SZT2: variants seen among roughly 807,000 people sequenced by gnomAD.
SZT2 encodes the protein SZT2 subunit of KICSTOR complex, also known as KICSTOR complex protein SZT2.
A neutral mutation model predicts 404.2 loss-of-function variants in SZT2; 216 were observed. That is an observed-to-expected ratio of 0.53 (90% CI 0.48 to 0.60). The LOEUF is 0.60. Among genes scored for constraint, SZT2 ranks in the 20% least tolerant of loss-of-function variants. SZT2 has a pLI of 0.00. For missense variants in SZT2, 3,857 were observed against 4,459.2 expected, an observed-to-expected ratio of 0.86 and a Z score of 3.85; for synonymous variants, 1,693 against 1,749.9, an observed-to-expected ratio of 0.97 and a Z score of 0.81.
At chr1:43,446,648 G>A (rs1177793685) in intron 65 of SZT2, 3 of 634,740 alleles carry the variant, frequency 4.7e-6, no homozygotes, top group African/African-American at 3.7e-5. Flanking sequence ...CCCTGAGGCA[G>A]CACAGTGCCT....
At position 43,441,720 on chromosome 1, in the gene SZT2, G is replaced by T. The variant is rs1293620008; in HGVS notation, c.7644G>T (p.Met2548Ile). The stretch of plus-strand genomic sequence containing the variant: ...CAGTGTCCAGAAGCTCTGCCCACAT[G>T]GTGTCCCGGTTCCTCCTTCCATCCA... ...CASVSRSSAH[M>I]VSRFLLPSIL... The change falls in exon 55 of 72, where the codon ATG becomes ATT. Residue 2548 changes from methionine to isoleucine, a missense_variant. Met to Ile is a conservative substitution (Grantham distance 10). Coordinates refer to ENST00000634258, the MANE Select transcript of SZT2 (RefSeq NM_001365999.1). The surrounding 1 kb of genome is among the most constrained non-coding windows in gnomAD (Gnocchi z 4.8). 1 of 1,614,156 alleles carries T rather than the reference G, an allele frequency of 6.2e-7. No homozygotes were observed. The highest frequency in any genetic ancestry group is 8.5e-7 in the Non-Finnish European group (1 of 1,180,026).
In SZT2 at chr1:43,425,499, G is replaced by A. The variant is rs1336832671; in HGVS notation, c.2671G>A (p.Val891Met). 15 of 1,614,202 alleles carry A rather than the reference G, an allele frequency of 9.3e-6. No individual in the cohort carries two copies. Among genetic ancestry groups the A allele is most frequent in the South Asian group, 2.2e-5 (2 of 91,080 alleles). Residue 891 changes from valine to methionine, a missense_variant, in exon 19 of 72, where the codon GTG becomes ATG. Val to Met is a conservative substitution (Grantham distance 21, BLOSUM62 1). Around this residue, in one of 7 missense-constraint regions of SZT2, gnomAD observed 1,725 missense variants for 1,881.0 expected, o/e 0.92. Transcript: ENST00000634258. The surrounding 1 kb of genome is among the most constrained non-coding windows in gnomAD (Gnocchi z 4.3). ...CTTCTCGACAGATGATGACAATGAT[G>A]TGGAAGTGGAGGCCCTGGAGGGAGA... Reference protein sequence around the residue: ...DSFSTDDDNDVEVEALEGDSE... With the variant: ...DSFSTDDDNDMEVEALEGDSE...
chr1:43,446,732 T>G (rs1655716572), intron 65 of SZT2: 1 of 624,832 alleles, frequency 1.6e-6, no homozygotes, highest in Non-Finnish European at 2.8e-6. Context: ...TGGCCCAGTT[T>G]CTGAAAATGG....
chr1:43,430,037 C>T lies in SZT2; in HGVS notation c.4335C>T (p.Leu1445=), dbSNP rs1445999972. The part of the protein sequence containing the change: ...IQEKFLEISR[L]HFRTVPSNPH... ...AGAAGTTCCTAGAGATCAGTCGTCT[C>T]CACTTCCGCACAGTGCCTTCCAATC... is the stretch of plus-strand genomic sequence containing the variant. Residue 1445 remains leucine, a synonymous_variant, in exon 30 of 72, where the codon CTC becomes CTT. Transcript: ENST00000634258. 3 of 1,614,146 alleles carry T rather than the reference C, an allele frequency of 1.9e-6. No individual in the cohort carries two copies.
chr1:43,453,111 A>G lies in SZT2; in HGVS notation c.*2631A>G, dbSNP rs944366829. 8.1e-6 allele frequency: 6 copies of G among 742,158 alleles called. No individual in the cohort carries two copies. Among genetic ancestry groups the G allele is most frequent in the Middle Eastern group, 2.3e-4 (1 of 4,392 alleles). The allele number at this position is 742,158 out of a possible 1,614,324, so 46.0% of individuals were successfully genotyped here. ...GCTTCCTGGAATAGGCCTGTCCTCA[A>G]ATGCATCACTGTATATATTTACTCT... On this transcript the variant is annotated 3_prime_UTR_variant, in exon 72 of 72. Coordinates refer to ENST00000634258, the MANE Select transcript of SZT2 (RefSeq NM_001365999.1).
chr1:43,442,157 G>C lies in SZT2; in HGVS notation c.7873+27G>C, dbSNP rs777270877. 4 of 1,503,558 alleles carry C rather than the reference G, an allele frequency of 2.7e-6. No homozygotes were observed. The African/African-American group carries it at 5.5e-5, about 21-fold the overall frequency. The allele number at this position is 1,503,558 out of a possible 1,614,324, so 93.1% of individuals were successfully genotyped here. ...TGAGGGCATGGCCCGGGGGGGCGGG[G>C]GGCGGGTAGGCTAAGAGTAACTGGT... On this transcript the variant is annotated intron_variant, in intron 56 of 71. Transcript: ENST00000634258. This position sits in a 1 kb window ranked among gnomAD's most constrained non-coding sequence, Gnocchi z 4.5.
At chr1:43,440,711 C>G (rs529755195) in intron 52 of SZT2, 125 bp downstream of exon 52, 92 of 1,295,430 alleles carry the variant, frequency 7.1e-5, no homozygotes, top group Non-Finnish European at 9.3e-5. Context: ...TAAAACTGCT[C>G]TGTCCTGCCA....
rs1346101224 is a variant in SZT2 at position 43,443,778 on chromosome 1, C to T, written c.8807C>T (p.Pro2936Leu). The part of the protein sequence containing the change: ...SIGFVLVPLR[P>L]PSPARSTSRP... ...GGTTTTGTGCTGGTACCACTGCGGC[C>T]CCCCTCACCCGCCCGCAGGTGAGCC... The change falls in exon 62 of 72, where the codon CCC becomes CTC. Residue 2936 changes from proline (P) to leucine (L), a missense_variant. By Grantham distance (98) the Pro-to-Leu change is moderately conservative (BLOSUM62 -3). This residue lies in a region of SZT2 where 717 missense variants were observed against 868.2 expected (regional missense o/e 0.83). Transcript: ENST00000634258. 16 of 1,613,672 alleles carry T rather than the reference C, an allele frequency of 9.9e-6. No homozygotes were observed. Among genetic ancestry groups the T allele is most frequent in the Non-Finnish European group, 1.4e-5 (16 of 1,180,038 alleles).
chr1:43,432,624 G>C lies in SZT2; in HGVS notation c.5530+20G>C. On this transcript the variant is annotated intron_variant, in intron 38 of 71. Coordinates refer to ENST00000634258, the MANE Select transcript of SZT2 (RefSeq NM_001365999.1). ...AGGGAGGTAAGAGAGGACTTGGGCA[G>C]CAGTCTGGAGGCCAGGACCAGATCC... The C allele has an allele frequency of 6.2e-7, 1 of 1,613,582 alleles. No homozygotes were observed. Among genetic ancestry groups the C allele is most frequent in the Non-Finnish European group, 8.5e-7 (1 of 1,179,614 alleles).
rs997249942 is a variant in SZT2 at position 43,453,643 on chromosome 1, C to G, written c.*3163C>G. The G allele has an allele frequency of 5.4e-6, 8 of 1,489,892 alleles. No homozygotes were observed. The highest frequency in any genetic ancestry group is 2.3e-5 in the Admixed American group (1 of 42,718). The allele number at this position is 1,489,892 out of a possible 1,614,324, so 92.3% of individuals were successfully genotyped here. A position where few individuals can be genotyped will look rare whatever the true frequency, so the allele number is the denominator to read the frequency against. ...AGCCGCAGCCCCGCTTCTCGCGCGG[C>G]GCGCGCCAGCGCCTCAGGCGTCTCC... On this transcript the variant is annotated 3_prime_UTR_variant, in exon 72 of 72. Coordinates refer to ENST00000634258, the MANE Select transcript of SZT2 (RefSeq NM_001365999.1).
chr1:43,404,942 T>C (rs569561160), intron 4 of SZT2: 1 of 159,918 alleles, frequency 6.3e-6, no homozygotes, highest in Non-Finnish European at 1.4e-5. Context: ...TTTTGTGATT[T>C]TGAAAGACAG....
Position 43,416,542 on chromosome 1 carries a change from C to T in SZT2, c.780C>T (p.Ile260=), listed in dbSNP as rs375794037. The T allele has an allele frequency of 3.0e-4, 486 of 1,598,088 alleles. 3 individuals carry two copies. In the South Asian group the frequency reaches 5.1e-3, roughly 17 times the overall value. ...LLPSNSSAGI[I]VITDGVTSVP... ...TGGTGTTTCCTGCTCCAGGGATTAT[C>T]GTGATCACGGATGGGGTGACCAGTG... Residue 260 remains isoleucine, a synonymous_variant, in exon 7 of 72, where the codon ATC becomes ATT. Coordinates refer to ENST00000634258, the MANE Select transcript of SZT2 (RefSeq NM_001365999.1).
chr1:43,427,700 C>G lies in SZT2; in HGVS notation c.3769C>G (p.Gln1257Glu). 1 of 1,613,986 alleles carries G rather than the reference C, an allele frequency of 6.2e-7. No homozygotes were observed. The highest frequency in any genetic ancestry group is 1.7e-5 in the Admixed American group (1 of 60,026). Residue 1257 changes from glutamine (Q) to glutamate (E), a missense_variant, in exon 26 of 72, where the codon CAG becomes GAG. Physicochemically the swap from Gln to Glu is conservative, Grantham distance 29. Around this residue, in one of 7 missense-constraint regions of SZT2, gnomAD observed 1,725 missense variants for 1,881.0 expected, o/e 0.92. Transcript: ENST00000634258. Reference protein sequence around the residue: ...EALREQMVGMQPPQAPRDLIF... With the variant: ...EALREQMVGMEPPQAPRDLIF... The stretch of plus-strand genomic sequence containing the variant: ...GCTGAGGGAACAAATGGTTGGCATG[C>G]AGCCCCCTCAGGCGCCCCGAGACCT...
At chr1:43,411,314 A>G (rs1223980874) in intron 4 of SZT2, among the ~76,000 whole-genome samples, 2 of 152,240 alleles carry the variant, frequency 1.3e-5, no homozygotes, top group African/African-American at 4.8e-5. Flanking sequence ...CATTGCCAGC[A>G]GGCCAGAGGG....
intron 1 of SZT2, chr1:43,394,061 T>C: frequency 1.0e-6 from 1 of 985,070 alleles, no homozygotes. Context: ...GTAATGAACT[T>C]CAGACTCAAG....
At chr1:43,428,682 G>A in intron 28 of SZT2, 196 bp downstream of exon 28, 1 of 674,958 alleles carries the variant, frequency 1.5e-6, no homozygotes, top group South Asian at 2.0e-5. Context: ...CTCCCTCCCA[G>A]GCTCTCCCCA....
Position 43,424,193 on chromosome 1 carries a change from C to T in SZT2, c.2256-24C>T. 4 of 1,587,404 alleles carry T rather than the reference C, an allele frequency of 2.5e-6. No homozygotes were observed. The highest frequency in any genetic ancestry group is 3.4e-6 in the Non-Finnish European group (4 of 1,172,488). On this transcript the variant is annotated intron_variant, in intron 15 of 71. Coordinates refer to ENST00000634258, the MANE Select transcript of SZT2 (RefSeq NM_001365999.1). This position sits in a 1 kb window ranked among gnomAD's most constrained non-coding sequence, Gnocchi z 4.1. ...GCTTAGCCGGGGATGAGAGAGATAG[C>T]TGGGGAGTTGTCCCATTTCCTAGGT...
chr1:43,430,429 C>T (rs1372446521), intron 31 of SZT2, 40 bp downstream of exon 31: 1 of 1,602,588 alleles, frequency 6.2e-7, no homozygotes, highest in Non-Finnish European at 8.5e-7. Context: ...AGGCTGGCTG[C>T]TTCACGCCGA....
In SZT2 at chr1:43,453,807, G is replaced by T. The variant is rs1031983609; in HGVS notation, c.*3327G>T. 8.0e-7 allele frequency: 1 copy of T among 1,252,222 alleles called. No homozygotes were observed. The highest frequency in any genetic ancestry group is 1.0e-6 in the Non-Finnish European group (1 of 1,001,014). 77.6% of individuals were successfully genotyped at this position (1,252,222 alleles called of 1,614,324 possible). A position where few individuals can be genotyped will look rare whatever the true frequency, so the allele number is the denominator to read the frequency against. On this transcript the variant is annotated 3_prime_UTR_variant, in exon 72 of 72. Coordinates refer to ENST00000634258, the MANE Select transcript of SZT2 (RefSeq NM_001365999.1). ...CAGCGGCGCCATGCCTGGGGAGGCC[G>T]GGCCGGGCGGAGTCCGCGGGATCCA...
Sources: gnomAD v4.1 joint callset for allele counts (sites outside exome capture counted in the v4.1 genomes callset) on GRCh38, gnomAD v4.1.1 for gene constraint, gnomAD v4.1.1 regional missense constraint, Gnocchi (gnomAD v3.1) non-coding constraint, MANE v1.5 for transcripts, NCBI Gene and HGNC (gene_info 2026-07-23, HGNC 2026-07-21) for gene names.